The following CTNNBL1 variants were observed in gnomAD, a reference collection of about 807,000 sequenced individuals.
CTNNBL1 encodes beta-catenin-like protein 1.
Under a neutral mutation model 72.7 loss-of-function variants are expected in CTNNBL1, and 31 were observed. The observed-to-expected ratio is 0.43, with a 90% CI of 0.32 to 0.58. The LOEUF is 0.58. CTNNBL1 is among the 20% of genes least tolerant of loss of function. The pLI is 0.08. For missense variants in CTNNBL1, 534 were observed against 725.1 expected, an observed-to-expected ratio of 0.74 and a Z score of 3.03; for synonymous variants, 240 against 267.3, an observed-to-expected ratio of 0.90 and a Z score of 1.00.
At chr20:37,808,411 T>A (rs549954989) in intron 11 of CTNNBL1, among the ~76,000 whole-genome samples, 7 of 152,304 alleles carry the variant, frequency 4.6e-5, no homozygotes, top group African/African-American at 1.4e-4. Context: ...GAAACATTTT[T>A]AAAAGTCTTC....
At chr20:37,707,977 AAC>A (rs1186982701) in intron 1 of CTNNBL1, among the ~76,000 whole-genome samples, 4 of 152,216 alleles carry the variant, frequency 2.6e-5, no homozygotes, top group South Asian at 4.1e-4. Flanking sequence ...AGGCACTCAG[AAC>A]ACACACATTT....
intron 10 of CTNNBL1, among the ~76,000 whole-genome samples, chr20:37,779,968 T>C (rs1044563514): frequency 3.3e-5 from 5 of 152,004 alleles, no homozygotes; most frequent in Non-Finnish European, 7.4e-5. Flanking sequence ...AGGAAGCTTA[T>C]GTTGATAACT....
intron 10 of CTNNBL1, among the ~76,000 whole-genome samples, chr20:37,796,491 TC>T (rs1057162853): frequency 4.6e-5 from 7 of 151,386 alleles, no homozygotes; most frequent in Admixed American, 3.3e-4. Context: ...AGGGTGTAAA[TC>T]CAGTCCTTGT....
rs1600467949 is a variant in CTNNBL1 at position 37,757,268 on chromosome 20, G to T, written c.467-291G>T. Among the ~76,000 whole-genome samples, 5 of 152,306 alleles carry T rather than the reference G, an allele frequency of 3.3e-5. No individual in the cohort carries two copies. In the South Asian group the frequency reaches 8.3e-4, roughly 25 times the overall value. On this transcript the variant is annotated intron_variant, in intron 4 of 15. Coordinates refer to ENST00000361383, the MANE Select transcript of CTNNBL1 (RefSeq NM_030877.5). ...GAGGGTGTTGGCCTATTTCTCACTG[G>T]AAGTGACTTCCCAGGCGATCTATTT...
intron 15 of CTNNBL1, among the ~76,000 whole-genome samples, chr20:37,868,513 G>A (rs4811247): frequency 0.32 from 48,931 of 151,984 alleles, 8,605 homozygotes; most frequent in South Asian, 0.43. Context: ...GTTCCACTCC[G>A]CTCTGTATGG....
chr20:37,864,022 A>C (rs1006556400), intron 15 of CTNNBL1, among the ~76,000 whole-genome samples: 4 of 151,934 alleles, frequency 2.6e-5, no homozygotes, highest in Admixed American at 6.6e-5. Flanking sequence ...CTCTGGGAGC[A>C]CCCCCTGAAC....
In CTNNBL1 at chr20:37,741,794, A is replaced by G. The variant is rs576564849; in HGVS notation, c.326+4310A>G. Among the ~76,000 whole-genome samples the G allele has an allele frequency of 1.6e-4, 24 of 152,348 alleles. No individual in the cohort carries two copies. The South Asian group carries it at 4.3e-3, about 28-fold the overall frequency. ...TTTCTCACGGTATCTTGTTACTCAC[A>G]TAACACTGGACCCAGTATATTTTTG... On this transcript the variant is annotated intron_variant, in intron 3 of 15. Coordinates refer to ENST00000361383, the MANE Select transcript of CTNNBL1 (RefSeq NM_030877.5).
intron 7 of CTNNBL1, among the ~76,000 whole-genome samples, chr20:37,770,971 T>G (rs1033263014): frequency 3.9e-5 from 6 of 152,192 alleles, no homozygotes; most frequent in Admixed American, 3.3e-4. Flanking sequence ...GTTATAATCT[T>G]CATTCTCTTC....
rs116916448 is a variant in CTNNBL1, at chr20:37,811,873, C to T, written c.1213+8825C>T. Among the ~76,000 whole-genome samples the T allele has an allele frequency of 7.4e-4, 113 of 152,324 alleles. 1 individual carries two copies. In the East Asian group the frequency reaches 0.017, roughly 23 times the overall value. On this transcript the variant is annotated intron_variant, in intron 11 of 15. Coordinates refer to ENST00000361383, the MANE Select transcript of CTNNBL1 (RefSeq NM_030877.5). ...ACCTTTATGAATTAGGCATTTCTGT[C>T]GTCTTTTCACAGGTGAGTTTCAGAG...
At chr20:37,861,496 C>G (rs4809868) in intron 15 of CTNNBL1, among the ~76,000 whole-genome samples, 115,509 of 151,610 alleles carry the variant, frequency 0.76, 44,135 homozygotes, top group East Asian at 0.85. Flanking sequence ...CTGGGTAACT[C>G]TAGACAAATC....
chr20:37,830,404 G>A (rs1482852029), intron 11 of CTNNBL1, among the ~76,000 whole-genome samples: 2 of 152,132 alleles, frequency 1.3e-5, no homozygotes, highest in Non-Finnish European at 2.9e-5. Flanking sequence ...CCGCTTGCTA[G>A]GGCCTCCTTT....
chr20:37,815,076 AGTGTGT>A (rs11474436), intron 11 of CTNNBL1, among the ~76,000 whole-genome samples: 4 of 147,282 alleles, frequency 2.7e-5, no homozygotes, highest in South Asian at 2.2e-4. Flanking sequence ...GGACTCTGTG[AGTGTGT>A]GTGTGTGTGT....
At chr20:37,758,711 CTGT>C (rs2073387087) in intron 5 of CTNNBL1, among the ~76,000 whole-genome samples, 1 of 152,220 alleles carries the variant, frequency 6.6e-6, no homozygotes, top group African/African-American at 2.4e-5. Flanking sequence ...TGTTCTTCTT[CTGT>C]TGTTTCTCTT....
chr20:37,740,976 C>T lies in CTNNBL1; in HGVS notation c.326+3492C>T, dbSNP rs755209862. Among the ~76,000 whole-genome samples the T allele has an allele frequency of 7.2e-4, 109 of 152,158 alleles. 2 individuals carry two copies. Among genetic ancestry groups the T allele is most frequent in the Non-Finnish European group, 4.4e-4 (30 of 68,022 alleles). ...AGCAGTGATTGCATTTAGGACTTAC[C>T]AATTTCTGTGGCTTTCCCAGTGTTT... is the stretch of plus-strand genomic sequence containing the variant. On this transcript the variant is annotated intron_variant, in intron 3 of 15. Transcript: ENST00000361383.
chr20:37,786,397 C>T (rs2073673605), intron 10 of CTNNBL1, among the ~76,000 whole-genome samples: 3 of 152,202 alleles, frequency 2.0e-5, no homozygotes, highest in Admixed American at 6.5e-5. Context: ...CATCTGAGAG[C>T]CAGAGCCTGG....
chr20:37,751,884 A>G (rs139704355), intron 4 of CTNNBL1, among the ~76,000 whole-genome samples: 162 of 152,346 alleles, frequency 1.1e-3, no homozygotes, highest in African/African-American at 3.8e-3. Context: ...TGATATTTCC[A>G]GAATTAAAAT....
chr20:37,776,707 C>G (rs191479155), intron 7 of CTNNBL1, among the ~76,000 whole-genome samples: 2 of 152,264 alleles, frequency 1.3e-5, no homozygotes, highest in African/African-American at 4.8e-5. Flanking sequence ...TCCCAAATAG[C>G]AGAGCATGCA....
chr20:37,805,975 A>G (rs1368482132), intron 11 of CTNNBL1, among the ~76,000 whole-genome samples: 1 of 152,226 alleles, frequency 6.6e-6, no homozygotes, highest in Non-Finnish European at 1.5e-5. Context: ...GGCTTTCCTC[A>G]GAAACCTACA....
At chr20:37,761,875 T>C (rs912789791) in intron 5 of CTNNBL1, among the ~76,000 whole-genome samples, 12 of 152,196 alleles carry the variant, frequency 7.9e-5, no homozygotes, top group African/African-American at 2.9e-4. Flanking sequence ...GCAGAAGACC[T>C]AAGGCAAGAC....
Sources: allele counts gnomAD v4.1 joint callset (sites outside exome capture counted in the v4.1 genomes callset), GRCh38; gene constraint gnomAD v4.1.1; transcripts MANE v1.5; gene names NCBI Gene and HGNC (gene_info 2026-07-23, HGNC 2026-07-21).